Variants in SYNPR observed in about 807,000 individuals in gnomAD.
SYNPR encodes synaptoporin.
In SYNPR, 23 loss-of-function variants were observed where a neutral mutation model predicts 32.9. That is an observed-to-expected ratio of 0.70 (90% CI 0.50 to 0.99). The LOEUF is 0.99. Among genes scored for constraint, SYNPR ranks in the 50% least tolerant of loss-of-function variants. The pLI is 0.00. For synonymous variants in SYNPR, 146 were observed against 135.9 expected, an observed-to-expected ratio of 1.07 and a Z score of -0.52; for missense variants, 318 against 349.3, an observed-to-expected ratio of 0.91 and a Z score of 0.71.
In SYNPR at chr3:63,608,356, A is replaced by G. The variant is rs1700152889; in HGVS notation, c.409-769A>G. Reference sequence around the variant, plus strand: ...CCTAGATTTGAATTCTGGCTCTGCAACTTTCTATGTGTTACCTTTTATCTG... The same window carrying G: ...CCTAGATTTGAATTCTGGCTCTGCAGCTTTCTATGTGTTACCTTTTATCTG... On this transcript the variant is annotated intron_variant, in intron 4 of 5. Transcript: ENST00000478300. 3.3e-5 allele frequency among the ~76,000 whole-genome samples: 5 copies of G among 152,174 alleles called. No individual in the cohort carries two copies. In the South Asian group the frequency reaches 1.0e-3, roughly 31 times the overall value.
chr3:63,489,639 G>T (rs921666868), intron 3 of SYNPR, among the ~76,000 whole-genome samples: 1 of 152,120 alleles, frequency 6.6e-6, no homozygotes, highest in Non-Finnish European at 1.5e-5. Context: ...AAGTAGACAC[G>T]ACTGCTTCCC....
chr3:63,427,133 T>A (rs1418599904), intron 2 of SYNPR, among the ~76,000 whole-genome samples: 1 of 141,558 alleles, frequency 7.1e-6, no homozygotes, highest in Non-Finnish European at 1.5e-5. Flanking sequence ...TAAAATGGCA[T>A]GTTCTTTATC....
chr3:63,487,968 T>C (rs1190621525), intron 3 of SYNPR, among the ~76,000 whole-genome samples: 2 of 152,104 alleles, frequency 1.3e-5, no homozygotes, highest in African/African-American at 4.8e-5. Context: ...CTCTAGCCAC[T>C]TGCTCTGTCG....
chr3:63,320,509 T>A (rs1212314158), intron 2 of SYNPR, among the ~76,000 whole-genome samples: 1 of 152,022 alleles, frequency 6.6e-6, no homozygotes, highest in East Asian at 1.9e-4. Flanking sequence ...AAGCCTGATA[T>A]TGAGATCCAA....
At chr3:63,604,723 A>C (rs1700093760) in intron 4 of SYNPR, among the ~76,000 whole-genome samples, 1 of 152,158 alleles carries the variant, frequency 6.6e-6, no homozygotes, top group Non-Finnish European at 1.5e-5. Context: ...TATGATTTTC[A>C]AAAATTTACT....
At chr3:63,376,123 T>C (rs2087892610) in intron 2 of SYNPR, among the ~76,000 whole-genome samples, 1 of 152,190 alleles carries the variant, frequency 6.6e-6, no homozygotes, top group South Asian at 2.1e-4. Flanking sequence ...CATCTATTTC[T>C]CTGTGTGTTC....
chr3:63,606,417 C>CTTTTTTTTTTTTTTTTT lies in SYNPR; in HGVS notation c.409-2702_409-2686dup. ...AATTAAGCAGGACCTCAAATCCTTT[C>CTTTTTTTTTTTTTTTTT]TTTTTTTTTTTTTTTTTTTTTTAGC... On this transcript the variant is annotated intron_variant, in intron 4 of 5. Transcript: ENST00000478300. Among the ~76,000 whole-genome samples the CTTTTTTTTTTTTTTTTT allele has an allele frequency of 7.3e-3, 500 of 68,266 alleles. 129 individuals carry two copies. The highest frequency in any genetic ancestry group is 0.017 in the Middle Eastern group (1 of 60). The allele number at this position is 68,266 out of a possible 152,430, so 44.8% of individuals were successfully genotyped here. A position where few individuals can be genotyped will look rare whatever the true frequency, so the allele number is the denominator to read the frequency against.
At chr3:63,401,451 T>C (rs141510072) in intron 2 of SYNPR, among the ~76,000 whole-genome samples, 93 of 152,282 alleles carry the variant, frequency 6.1e-4, no homozygotes, top group Non-Finnish European at 9.7e-4. Flanking sequence ...GAAGTGCCAC[T>C]CCAATCACAG....
chr3:63,220,979 A>T, the SYNPR span, among the ~76,000 whole-genome samples: 21 of 152,212 alleles, frequency 1.4e-4, no homozygotes, highest in African/African-American at 5.1e-4. Flanking sequence ...CAAGTAACTG[A>T]TGTGTCTTCT....
At chr3:63,474,998 C>T (rs1347616778) in intron 2 of SYNPR, among the ~76,000 whole-genome samples, 2 of 152,266 alleles carry the variant, frequency 1.3e-5, no homozygotes, top group African/African-American at 4.8e-5. Context: ...ATTGATATTC[C>T]GTGTGTGGTT....
At chr3:63,549,150 T>C (rs1702459938) in intron 3 of SYNPR, among the ~76,000 whole-genome samples, 1 of 152,202 alleles carries the variant, frequency 6.6e-6, no homozygotes, top group Non-Finnish European at 1.5e-5. Context: ...TAGCAAGTTT[T>C]TAATGGCTTT....
chr3:63,489,232 C>T (rs1362503679), intron 3 of SYNPR, among the ~76,000 whole-genome samples: 1 of 152,158 alleles, frequency 6.6e-6, no homozygotes. Context: ...CTGTGGGCGA[C>T]ATGCTCCAAC....
chr3:63,228,237 T>G (rs17300166), upstream of SYNPR: 9,099 of 152,240 alleles, frequency 0.06, 359 homozygotes, highest in Middle Eastern at 0.085. Flanking sequence ...GATAAACCCA[T>G]GCTGCTTAAG....
At chr3:63,232,366 G>T (rs2086173310) in intron 1 of SYNPR, among the ~76,000 whole-genome samples, 1 of 151,584 alleles carries the variant, frequency 6.6e-6, no homozygotes, top group African/African-American at 2.4e-5. Context: ...CAGGCCCGGT[G>T]AATTTTTGTA....
chr3:63,450,430 G>A (rs955280322), intron 2 of SYNPR, among the ~76,000 whole-genome samples: 5 of 152,180 alleles, frequency 3.3e-5, no homozygotes, highest in African/African-American at 1.2e-4. Flanking sequence ...AAGCTCTATG[G>A]TGAATTTGGT....
intron 2 of SYNPR, among the ~76,000 whole-genome samples, chr3:63,302,078 C>A (rs1203319000): frequency 6.6e-6 from 1 of 152,158 alleles, no homozygotes; most frequent in East Asian, 1.9e-4. Flanking sequence ...GAATACCATT[C>A]CTCATCAGCA....
At chr3:63,591,527 T>A (rs1417517871) in intron 4 of SYNPR, among the ~76,000 whole-genome samples, 1 of 123,898 alleles carries the variant, frequency 8.1e-6, no homozygotes, top group African/African-American at 3.2e-5. Context: ...TGCAGCATTA[T>A]TCACAATAGC....
chr3:63,494,470 CATATAT>C lies in SYNPR; in HGVS notation c.209+13516_209+13521del, dbSNP rs1559516460. On this transcript the variant is annotated intron_variant, in intron 3 of 5. Transcript: ENST00000478300. ...ATACACATATATATACATATATACA[CATATAT>C]ACATATATATACATATATATACATA... Among the ~76,000 whole-genome samples, 887 of 90,960 alleles carry C rather than the reference CATATAT, an allele frequency of 9.8e-3. 46 individuals are homozygous for C. In the East Asian group the frequency reaches 0.14, roughly 15 times the overall value. 59.7% of individuals were successfully genotyped at this position (90,960 alleles called of 152,430 possible). A position where few individuals can be genotyped will look rare whatever the true frequency, so the allele number is the denominator to read the frequency against.
chr3:63,514,801 G>C (rs1410559246), intron 3 of SYNPR, among the ~76,000 whole-genome samples: 1 of 152,092 alleles, frequency 6.6e-6, no homozygotes. Context: ...TAGGATGCCT[G>C]AGACTTGCTC....
Sources: allele counts gnomAD v4.1 joint callset (sites outside exome capture counted in the v4.1 genomes callset), GRCh38; gene constraint gnomAD v4.1.1; transcripts MANE v1.5; gene names NCBI Gene and HGNC (gene_info 2026-07-23, HGNC 2026-07-21).